The following IL1RAPL1 variants were observed in gnomAD, a reference collection of about 807,000 sequenced individuals.
The protein encoded by IL1RAPL1 is interleukin 1 receptor accessory protein like 1.
In IL1RAPL1, 3 loss-of-function variants were observed where a neutral mutation model predicts 48.4. The observed-to-expected ratio is 0.06, with a 90% confidence interval of 0.03 to 0.16. IL1RAPL1 has a LOEUF of 0.16. Ranked by LOEUF, IL1RAPL1 falls within the 10% of genes least tolerant of loss-of-function variation. IL1RAPL1 has a pLI of 1.00. For synonymous variants in IL1RAPL1, 185 were observed against 187.7 expected (o/e 0.99, Z 0.12); for missense variants, 349 against 530.6 (o/e 0.66, Z 3.36).
intron 2 of IL1RAPL1, among the ~76,000 whole-genome samples, chrX:29,046,763 A>G (rs1437980710): frequency 1.8e-5 from 2 of 112,009 alleles, no homozygotes; most frequent in East Asian, 5.6e-4. Flanking sequence ...CAATTACAGC[A>G]TCATTGATTT....
intron 6 of IL1RAPL1, among the ~76,000 whole-genome samples, chrX:29,842,597 G>T (rs997704527): frequency 1.8e-5 from 2 of 112,115 alleles, no homozygotes; most frequent in Non-Finnish European, 3.8e-5. Flanking sequence ...CGAAACATTT[G>T]GCCTCTGTTG....
intron 2 of IL1RAPL1, among the ~76,000 whole-genome samples, chrX:28,886,029 C>T (rs1922619081): frequency 9.0e-6 from 1 of 110,508 alleles, no homozygotes; most frequent in African/African-American, 3.3e-5. Context: ...TTTTTCAATT[C>T]CTTTATACTG....
At chrX:29,772,448 G>C (rs1024239642) in intron 6 of IL1RAPL1, among the ~76,000 whole-genome samples, 1 of 110,657 alleles carries the variant, frequency 9.0e-6, no homozygotes, top group East Asian at 2.8e-4. Context: ...GTGTACATCT[G>C]TAAATGTGTA....
intron 6 of IL1RAPL1, among the ~76,000 whole-genome samples, chrX:29,688,728 TTC>T (rs71811113): frequency 0.14 from 10,317 of 74,343 alleles, 1,111 homozygotes; most frequent in African/African-American, 0.38. Context: ...TCAGGGTTGC[TTC>T]TCTCTCTCTC....
chrX:29,577,309 T>C (rs760102243), intron 5 of IL1RAPL1, among the ~76,000 whole-genome samples: 327 of 111,833 alleles, frequency 2.9e-3, no homozygotes, highest in Non-Finnish European at 4.8e-3. Flanking sequence ...TGTTATCAGA[T>C]TCCAGGATAA....
At chrX:29,189,749 G>T (rs548681293) in intron 2 of IL1RAPL1, among the ~76,000 whole-genome samples, 2 of 111,509 alleles carry the variant, frequency 1.8e-5, no homozygotes, top group African/African-American at 6.5e-5. Context: ...AAAGTTGTCT[G>T]GGATAATGTG....
chrX:29,119,528 G>A (rs1359424969), intron 2 of IL1RAPL1, among the ~76,000 whole-genome samples: 1 of 111,834 alleles, frequency 8.9e-6, no homozygotes, highest in Non-Finnish European at 1.9e-5. Context: ...TGAGGTCACA[G>A]GGCAAAAAGC....
rs1926854138 is a variant in IL1RAPL1 at position 29,041,870 on chromosome X, ATATC to A, written c.83-241067_83-241064del. ...TCTCATCTGTAAAAAGTAGATAATA[ATATC>A]CTCCTTATCGAAAATCAATGAGCTG... On this transcript the variant is annotated intron_variant, in intron 2 of 10. Transcript: ENST00000378993. Among the ~76,000 whole-genome samples, 4 of 112,118 alleles carry A rather than the reference ATATC, an allele frequency of 3.6e-5. No individual in the cohort carries two copies. In the Admixed American group the frequency reaches 3.8e-4, roughly 11 times the overall value.
chrX:28,960,433 T>C (rs776153715), intron 2 of IL1RAPL1, among the ~76,000 whole-genome samples: 48 of 111,801 alleles, frequency 4.3e-4, no homozygotes, highest in African/African-American at 1.1e-3. Context: ...AACTGTTCAA[T>C]AGGAAATAGC....
intron 1 of IL1RAPL1, among the ~76,000 whole-genome samples, chrX:28,602,884 A>T (rs1178470917): frequency 8.9e-6 from 1 of 111,818 alleles, no homozygotes; most frequent in African/African-American, 3.2e-5. Flanking sequence ...CCTGAAAGAT[A>T]TTATGAAAAT....
intron 2 of IL1RAPL1, among the ~76,000 whole-genome samples, chrX:29,280,438 C>A (rs764671293): frequency 3.6e-5 from 4 of 111,882 alleles, no homozygotes; most frequent in South Asian, 3.7e-4. Flanking sequence ...GAAATTGACA[C>A]CTTTATTAAA....
chrX:29,680,670 GGTTA>G (rs1926423574), intron 6 of IL1RAPL1, among the ~76,000 whole-genome samples: 1 of 111,864 alleles, frequency 8.9e-6, no homozygotes, highest in African/African-American at 3.3e-5. Flanking sequence ...TAACATCCCT[GGTTA>G]ATCCATCTCA....
chrX:28,820,850 C>T (rs1235511549), intron 2 of IL1RAPL1, among the ~76,000 whole-genome samples: 1 of 111,002 alleles, frequency 9.0e-6, no homozygotes, highest in Non-Finnish European at 1.9e-5. Flanking sequence ...ACTAATGGCC[C>T]ATTTTTCTCT....
intron 6 of IL1RAPL1, among the ~76,000 whole-genome samples, chrX:29,683,667 A>G (rs1279412961): frequency 8.9e-6 from 1 of 112,087 alleles, no homozygotes; most frequent in Non-Finnish European, 1.9e-5. Flanking sequence ...ATTGTGCACA[A>G]CATGCAATAC....
chrX:28,657,519 G>A (rs1362955130), intron 1 of IL1RAPL1, among the ~76,000 whole-genome samples: 1 of 112,451 alleles, frequency 8.9e-6, no homozygotes, highest in Non-Finnish European at 1.9e-5. Context: ...CCAAAATGAG[G>A]TTCTAAGGGA....
intron 1 of IL1RAPL1, among the ~76,000 whole-genome samples, chrX:28,740,481 A>G (rs1025491319): frequency 9.0e-6 from 1 of 111,542 alleles, no homozygotes; most frequent in African/African-American, 3.3e-5. Context: ...TTTTAACCCT[A>G]TAATGTCATA....
At chrX:29,814,000 A>T (rs1930435543) in intron 6 of IL1RAPL1, among the ~76,000 whole-genome samples, 1 of 111,989 alleles carries the variant, frequency 8.9e-6, no homozygotes, top group African/African-American at 3.2e-5. Context: ...ATTGATGGGA[A>T]GCTAGGTTGA....
At chrX:28,892,229 G>A (rs549761970) in intron 2 of IL1RAPL1, among the ~76,000 whole-genome samples, 1 of 109,166 alleles carries the variant, frequency 9.2e-6, no homozygotes, top group Non-Finnish European at 1.9e-5. Flanking sequence ...TCAGCGAAGG[G>A]AGTTGGGGTG....
At chrX:29,319,340 C>G (rs1312224014) in intron 3 of IL1RAPL1, among the ~76,000 whole-genome samples, 2 of 99,740 alleles carry the variant, frequency 2.0e-5, no homozygotes, top group Non-Finnish European at 4.0e-5. Flanking sequence ...TACAAGTGCA[C>G]CCCACTGCAT....
Sources: gnomAD v4.1 joint callset for allele counts (sites outside exome capture counted in the v4.1 genomes callset) on GRCh38, gnomAD v4.1.1 for gene constraint, MANE v1.5 for transcripts, NCBI Gene and HGNC (gene_info 2026-07-23, HGNC 2026-07-21) for gene names.